Variants in RGSL1 observed in about 807,000 individuals in gnomAD.
The protein encoded by RGSL1 is regulator of G protein signaling protein-like.
Under a neutral mutation model 124.7 loss-of-function variants are expected in RGSL1, and 97 were observed. The observed-to-expected ratio is 0.78, with a 90% CI of 0.66 to 0.92. The LOEUF is 0.92. Ranked by LOEUF, RGSL1 falls within the 40% of genes least tolerant of loss-of-function variation. The pLI is 0.00. For missense variants in RGSL1, 1,233 were observed against 1,288.4 expected, an observed-to-expected ratio of 0.96 and a Z score of 0.66; for synonymous variants, 424 against 438.1, an observed-to-expected ratio of 0.97 and a Z score of 0.40.
chr1:182,467,158 G>A (rs1031875284), intron 4 of RGSL1, among the ~76,000 whole-genome samples: 6 of 152,118 alleles, frequency 3.9e-5, no homozygotes, highest in Non-Finnish European at 8.8e-5. Flanking sequence ...TCATGGGTAG[G>A]AAGAATCAAT....
Position 182,470,007 on chromosome 1 carries a change from G to C in RGSL1, c.302-2389G>C, listed in dbSNP as rs79941105. Among the ~76,000 whole-genome samples, 1,094 of 151,974 alleles carry C rather than the reference G, an allele frequency of 7.2e-3. 25 individuals are homozygous for C. Among genetic ancestry groups the C allele is most frequent in the African/African-American group, 0.025 (1,054 of 41,412 alleles). ...GGTGGTTGTCAGGAGCTGGGAGGAG[G>C]GGGGAAATAGGCAGTGACTGTTTAA... On this transcript the variant is annotated intron_variant, in intron 4 of 21. Transcript: ENST00000294854.
At chr1:182,535,132 C>T (rs1372931037) in intron 14 of RGSL1, among the ~76,000 whole-genome samples, 2 of 152,124 alleles carry the variant, frequency 1.3e-5, no homozygotes, top group African/African-American at 4.8e-5. Flanking sequence ...ATCATCCAAG[C>T]CAAGAAATAG....
intron 18 of RGSL1, 107 bp downstream of exon 18, chr1:182,551,316 T>C: frequency 1.1e-6 from 1 of 870,956 alleles, no homozygotes; most frequent in Non-Finnish European, 1.8e-6. Flanking sequence ...GGGTGTTTGC[T>C]GGAGCCGGGA....
At position 182,551,202 on chromosome 1, in the gene RGSL1, G is replaced by A. The variant is rs1014175979; in HGVS notation, c.3036G>A (p.Ser1012=). 38 of 1,549,666 alleles carry A rather than the reference G, an allele frequency of 2.5e-5. No individual in the cohort carries two copies. Among genetic ancestry groups the A allele is most frequent in the Non-Finnish European group, 2.8e-5 (32 of 1,145,592 alleles). ...AATCTACGGACAAGTATCCTTTCTC[G>A]AGTGGAGGTAAGCTCCACCACGACT... is the stretch of plus-strand genomic sequence containing the variant. ...PPKSTDKYPF[S]SGGDNAILRF... The change falls in exon 18 of 22, where the codon TCG becomes TCA. Residue 1012 remains serine, a synonymous_variant. Coordinates refer to ENST00000294854, the MANE Select transcript of RGSL1 (RefSeq NM_001137669.2).
intron 6 of RGSL1, among the ~76,000 whole-genome samples, chr1:182,476,115 G>A (rs1159824806): frequency 6.6e-6 from 1 of 152,136 alleles, no homozygotes; most frequent in Non-Finnish European, 1.5e-5. Flanking sequence ...GGGTTGTACA[G>A]TGAGGTAATT....
At chr1:182,530,659 T>A (rs895050408) in intron 12 of RGSL1, 131 bp from the exon 13 acceptor site, 5 of 1,071,678 alleles carry the variant, frequency 4.7e-6, no homozygotes, top group Non-Finnish European at 6.5e-6. Context: ...AGAAGAGAAT[T>A]TTTTAGTATT....
intron 9 of RGSL1, among the ~76,000 whole-genome samples, chr1:182,515,912 G>C (rs1657856356): frequency 6.6e-6 from 1 of 152,236 alleles, no homozygotes; most frequent in African/African-American, 2.4e-5. Context: ...TTGCACCTCT[G>C]ATGGCTGGGC....
In RGSL1 at chr1:182,474,095, C is replaced by T; in HGVS notation, c.984C>T (p.Leu328=). 2 of 1,551,858 alleles carry T rather than the reference C, an allele frequency of 1.3e-6. No homozygotes were observed. Among genetic ancestry groups the T allele is most frequent in the Non-Finnish European group, 1.7e-6 (2 of 1,147,022 alleles). The change falls in exon 6 of 22, where the codon CTC becomes CTT. Residue 328 remains leucine (L), a synonymous_variant. Transcript: ENST00000294854. ...TGGAGAATAAAGCCAAGAGCCACCT[C>T]CACATGGAAGCCCCCTTTGAGACAA... ...SSMENKAKSH[L]HMEAPFETKV... is the part of the protein sequence containing the mutation.
chr1:182,455,556 T>C (rs907066616), intron 2 of RGSL1, among the ~76,000 whole-genome samples: 3 of 150,046 alleles, frequency 2.0e-5, no homozygotes, highest in Non-Finnish European at 3.0e-5. Context: ...CACTCCAGCC[T>C]AAGTGACAGA....
At chr1:182,513,259 C>T (rs1366687980) in intron 9 of RGSL1, among the ~76,000 whole-genome samples, 4 of 152,172 alleles carry the variant, frequency 2.6e-5, no homozygotes, top group Non-Finnish European at 5.9e-5. Context: ...TTGGGGAAAA[C>T]AGAAGTCAGA....
rs369458535 is a variant in RGSL1, at chr1:182,540,374, T to C, written c.2622T>C (p.Thr874=). The C allele has an allele frequency of 8.4e-6, 13 of 1,551,230 alleles. No homozygotes were observed. Among genetic ancestry groups the C allele is most frequent in the Non-Finnish European group, 1.1e-5 (13 of 1,146,680 alleles). Reference sequence around the variant, plus strand: ...GTATATTTGGCCACAGGATTATCACTGTCAACTTTGCGATCAATGATCTAT... The same window carrying C: ...GTATATTTGGCCACAGGATTATCACCGTCAACTTTGCGATCAATGATCTAT... ...KRRIFGHRII[T]VNFAINDLYF... The change falls in exon 15 of 22, where the codon ACT becomes ACC. Residue 874 remains threonine (T), a synonymous_variant. Coordinates refer to ENST00000294854, the MANE Select transcript of RGSL1 (RefSeq NM_001137669.2).
intron 9 of RGSL1, among the ~76,000 whole-genome samples, chr1:182,501,307 C>CTTTTTTTTTTTTTTTTTTTTTTTTTTTT (rs141279993): frequency 3.3e-5 from 2 of 61,366 alleles, no homozygotes; most frequent in African/African-American, 6.5e-5. Flanking sequence ...TTTTTCTTTT[C>CTTTTTTTTTTTTTTTTTTTTTTTTTTTT]TTTTTTTTTT....
At chr1:182,471,840 T>C (rs1653869635) in intron 4 of RGSL1, among the ~76,000 whole-genome samples, 1 of 152,184 alleles carries the variant, frequency 6.6e-6, no homozygotes, top group African/African-American at 2.4e-5. Flanking sequence ...ACACTCCAGC[T>C]CAACAACATT....
intron 13 of RGSL1, among the ~76,000 whole-genome samples, chr1:182,532,180 G>A (rs1267871464): frequency 2.0e-5 from 3 of 152,016 alleles, no homozygotes; most frequent in Non-Finnish European, 4.4e-5. Context: ...TATGAAATTC[G>A]TGTGTGTATG....
Position 182,458,290 on chromosome 1 carries a change from C to T in RGSL1, c.97-29C>T, listed in dbSNP as rs1450397867. ...TATACATGAAGAGAAGCTCTACTCC[C>T]TTGACTGTTTCCTAGCTTTGTTTTG... On this transcript the variant is annotated intron_variant, in intron 2 of 21. Coordinates refer to ENST00000294854, the MANE Select transcript of RGSL1 (RefSeq NM_001137669.2). 3.3e-6 allele frequency: 5 copies of T among 1,530,496 alleles called. No homozygotes were observed. The Admixed American group carries it at 9.8e-5, about 30-fold the overall frequency. 94.8% of individuals were successfully genotyped at this position (1,530,496 alleles called of 1,614,324 possible). A position where few individuals can be genotyped will look rare whatever the true frequency, so the allele number is the denominator to read the frequency against.
intron 1 of RGSL1, among the ~76,000 whole-genome samples, chr1:182,451,220 T>G (rs1377477567): frequency 2.0e-5 from 3 of 151,872 alleles, no homozygotes; most frequent in Non-Finnish European, 4.4e-5. Flanking sequence ...ACTTAGACAT[T>G]GTGCAAACAC....
intron 15 of RGSL1, among the ~76,000 whole-genome samples, chr1:182,543,706 T>A (rs915083457): frequency 6.6e-5 from 10 of 152,112 alleles, no homozygotes; most frequent in African/African-American, 2.4e-4. Flanking sequence ...ATGGCTTCAA[T>A]CTTGTTACTC....
In RGSL1 at chr1:182,493,073, C is replaced by T; in HGVS notation, c.1769C>T (p.Ala590Val). Residue 590 changes from alanine (A) to valine (V), a missense_variant, in exon 9 of 22, where the codon GCC becomes GTC. By Grantham distance (64) the Ala-to-Val change is moderately conservative. Transcript: ENST00000294854. ...CTTTGCTACAAGAACCCAAAGATGG[C>T]CATACAGAAGATCAGTGATGACTAC... ...EELCYKNPKM[A>V]IQKISDDYKI... The T allele has an allele frequency of 1.3e-6, 2 of 1,551,658 alleles. No individual in the cohort carries two copies. The highest frequency in any genetic ancestry group is 1.7e-6 in the Non-Finnish European group (2 of 1,146,900).
At chr1:182,506,540 A>G (rs946476550) in intron 9 of RGSL1, among the ~76,000 whole-genome samples, 1 of 152,146 alleles carries the variant, frequency 6.6e-6, no homozygotes, top group Non-Finnish European at 1.5e-5. Flanking sequence ...CCATTTTGAT[A>G]GTCATTACCT....
Sources: gnomAD v4.1 joint callset for allele counts (sites outside exome capture counted in the v4.1 genomes callset) on GRCh38, gnomAD v4.1.1 for gene constraint, MANE v1.5 for transcripts, NCBI Gene and HGNC (gene_info 2026-07-23, HGNC 2026-07-21) for gene names.